TRPM3: variants seen among roughly 807,000 people sequenced by gnomAD.
The protein encoded by TRPM3 is long transient receptor potential channel 3.
Under a neutral mutation model 181.2 loss-of-function variants are expected in TRPM3, and 77 were observed. The observed-to-expected ratio is 0.42, with a 90% CI of 0.35 to 0.51. The LOEUF is 0.51. Ranked by LOEUF, TRPM3 falls within the 20% of genes least tolerant of loss-of-function variation. The pLI, the probability that TRPM3 is intolerant of heterozygous loss-of-function variation, is 0.01. For missense variants in TRPM3, 1,759 were observed against 2,196.7 expected, an observed-to-expected ratio of 0.80 and a Z score of 3.98; for synonymous variants, 745 against 796.4, an observed-to-expected ratio of 0.94 and a Z score of 1.09.
chr9:70,811,280 C>T (rs1226963792), intron 6 of TRPM3: 5 of 1,538,466 alleles, frequency 3.2e-6, no homozygotes, highest in East Asian at 4.7e-5. Context: ...TTTCTACACC[C>T]TGTGGTTGCA....
intron 8 of TRPM3, among the ~76,000 whole-genome samples, chr9:70,748,515 G>A (rs1181208501): frequency 6.6e-6 from 1 of 152,092 alleles, no homozygotes; most frequent in Non-Finnish European, 1.5e-5. Flanking sequence ...AATTCATATT[G>A]ACTCTTAATC....
intron 1 of TRPM3, among the ~76,000 whole-genome samples, chr9:71,372,363 G>A (rs956012027): frequency 6.6e-6 from 1 of 152,014 alleles, no homozygotes; most frequent in Non-Finnish European, 1.5e-5. Context: ...TGGAATTGCT[G>A]GGCCAAATGG....
At chr9:71,079,228 AT>A (rs1035948380) in intron 1 of TRPM3, among the ~76,000 whole-genome samples, 4 of 152,218 alleles carry the variant, frequency 2.6e-5, no homozygotes. Context: ...CACTAGAGTA[AT>A]GCACAAGATG....
chr9:71,420,597 A>G (rs575323183), intron 1 of TRPM3, among the ~76,000 whole-genome samples: 8 of 142,744 alleles, frequency 5.6e-5, no homozygotes, highest in African/African-American at 2.1e-4. Context: ...AAAAAGAGAA[A>G]GAGAAGAGAA....
chr9:71,190,737 C>T (rs2077968023), intron 1 of TRPM3, among the ~76,000 whole-genome samples: 2 of 151,848 alleles, frequency 1.3e-5, no homozygotes, highest in Non-Finnish European at 2.9e-5. Context: ...GGATGCCAAG[C>T]ATTATTAGCC....
chr9:71,396,169 T>A (rs2093186964), intron 1 of TRPM3, among the ~76,000 whole-genome samples: 1 of 152,164 alleles, frequency 6.6e-6, no homozygotes, highest in South Asian at 2.1e-4. Context: ...CTTGTGATAT[T>A]TAGAAGTTAT....
intron 1 of TRPM3, among the ~76,000 whole-genome samples, chr9:70,872,111 T>C (rs1048386728): frequency 1.3e-5 from 2 of 152,026 alleles, no homozygotes; most frequent in Admixed American, 1.3e-4. Context: ...CGTTTTCTGC[T>C]AAGGGCCAGA....
chr9:70,574,809 G>T (rs947889483), intron 22 of TRPM3, among the ~76,000 whole-genome samples: 3 of 152,150 alleles, frequency 2.0e-5, no homozygotes, highest in African/African-American at 7.2e-5. Context: ...CACAATCATG[G>T]TTTTTCATGA....
At chr9:70,699,078 G>T (rs772310640) in intron 8 of TRPM3, among the ~76,000 whole-genome samples, 3 of 152,142 alleles carry the variant, frequency 2.0e-5, no homozygotes, top group Non-Finnish European at 4.4e-5. Context: ...CACAGTTAAG[G>T]CCTTGTTAAA....
chr9:71,176,078 T>A (rs374369296), intron 1 of TRPM3, among the ~76,000 whole-genome samples: 1 of 152,296 alleles, frequency 6.6e-6, no homozygotes, highest in African/African-American at 2.4e-5. Context: ...TAATACTTGA[T>A]AAGAAATGAT....
intron 1 of TRPM3, among the ~76,000 whole-genome samples, chr9:71,298,107 G>T (rs773532119): frequency 6.6e-6 from 1 of 151,376 alleles, no homozygotes; most frequent in Non-Finnish European, 1.5e-5. Flanking sequence ...AAAAAAAAAA[G>T]TTCCTCTAGT....
At chr9:71,249,573 GATAT>G (rs1391175309) in intron 1 of TRPM3, among the ~76,000 whole-genome samples, 1 of 151,940 alleles carries the variant, frequency 6.6e-6, no homozygotes, top group South Asian at 2.1e-4. Context: ...TGTCCCTTGA[GATAT>G]ATATATTTTC....
At chr9:71,193,289 G>A (rs573474880) in intron 1 of TRPM3, among the ~76,000 whole-genome samples, 124 of 151,668 alleles carry the variant, frequency 8.2e-4, no homozygotes, top group Non-Finnish European at 1.4e-3. Context: ...CCACCTCCTT[G>A]ACTCTCCTGT....
chr9:71,140,562 A>G (rs2075036796), intron 1 of TRPM3, among the ~76,000 whole-genome samples: 3 of 152,160 alleles, frequency 2.0e-5, no homozygotes. Context: ...ATGTTTGAAA[A>G]TATTTTTACG....
At chr9:70,894,643 T>A (rs1057367969) in intron 1 of TRPM3, among the ~76,000 whole-genome samples, 2 of 152,162 alleles carry the variant, frequency 1.3e-5, no homozygotes, top group Admixed American at 6.5e-5. Context: ...GAGAATTTTC[T>A]AAGCAAAAGT....
intron 3 of TRPM3, among the ~76,000 whole-genome samples, chr9:70,858,862 G>A (rs1314461059): frequency 6.6e-6 from 1 of 152,136 alleles, no homozygotes; most frequent in Non-Finnish European, 1.5e-5. Context: ...ATGGGACAGT[G>A]GAGTCTTGAA....
chr9:71,279,908 T>C (rs892101137), intron 1 of TRPM3, among the ~76,000 whole-genome samples: 2 of 151,970 alleles, frequency 1.3e-5, no homozygotes, highest in East Asian at 3.9e-4. Flanking sequence ...TGAAACCCCA[T>C]CTCTACTAAA....
intron 1 of TRPM3, among the ~76,000 whole-genome samples, chr9:71,240,597 G>A (rs1275558339): frequency 1.3e-5 from 2 of 151,462 alleles, no homozygotes; most frequent in Non-Finnish European, 2.9e-5. Context: ...TTAAATGTTT[G>A]CATCAAATAG....
chr9:71,342,269 T>TAA (rs989713820), intron 1 of TRPM3, among the ~76,000 whole-genome samples: 4 of 141,376 alleles, frequency 2.8e-5, no homozygotes, highest in South Asian at 4.5e-4. Flanking sequence ...TATATATATA[T>TAA]AAATAAATAT....
Sources: gnomAD v4.1 joint callset for allele counts (sites outside exome capture counted in the v4.1 genomes callset) on GRCh38, gnomAD v4.1.1 for gene constraint, MANE v1.5 for transcripts, NCBI Gene and HGNC (gene_info 2026-07-23, HGNC 2026-07-21) for gene names.